The following PTPRD variants were observed in gnomAD, a reference collection of about 807,000 sequenced individuals.
PTPRD encodes the protein receptor-type tyrosine-protein phosphatase delta.
A neutral mutation model predicts 214.5 loss-of-function variants in PTPRD; 34 were observed. The observed-to-expected ratio is 0.16, with a 90% CI of 0.12 to 0.21. The LOEUF (loss-of-function observed/expected upper bound fraction) is 0.21, where lower values mean the gene tolerates loss of function less well. Among genes scored for constraint, PTPRD ranks in the 10% least tolerant of loss-of-function variants. The pLI is 1.00. For synonymous variants in PTPRD, 1,128 were observed against 845.7 expected (o/e 1.33, Z -5.79); for missense variants, 2,545 against 2,398.7 (o/e 1.06, Z -1.27).
At chr9:8,849,824 T>A (rs867634368) in intron 11 of PTPRD, among the ~76,000 whole-genome samples, 1 of 152,140 alleles carries the variant, frequency 6.6e-6, no homozygotes, top group East Asian at 1.9e-4. Context: ...GTGTTGAGTA[T>A]TGAGCACTTG....
chr9:8,612,051 G>A (rs1020633006), intron 14 of PTPRD, among the ~76,000 whole-genome samples: 4 of 151,800 alleles, frequency 2.6e-5, no homozygotes, highest in Non-Finnish European at 4.4e-5. Context: ...CCAGAAAGAC[G>A]ATGTTTCAAT....
intron 7 of PTPRD, among the ~76,000 whole-genome samples, chr9:9,576,593 C>G (rs1022261679): frequency 8.5e-5 from 13 of 152,092 alleles, no homozygotes; most frequent in Non-Finnish European, 1.6e-4. Context: ...TTCTTGCCCT[C>G]CCTTTTTATC....
At chr9:9,502,348 T>C (rs115185413) in intron 8 of PTPRD, among the ~76,000 whole-genome samples, 1,888 of 151,954 alleles carry the variant, frequency 0.012, 36 homozygotes, top group African/African-American at 0.043. Context: ...AGATTCTTCA[T>C]ATAAGTGGGA....
chr9:8,947,199 C>T (rs868788206), intron 11 of PTPRD, among the ~76,000 whole-genome samples: 1 of 151,508 alleles, frequency 6.6e-6, no homozygotes, highest in Non-Finnish European at 1.5e-5. Flanking sequence ...CGTGGTGGCT[C>T]ACGCCTGTAA....
chr9:8,691,557 T>G (rs1199868253), intron 12 of PTPRD, among the ~76,000 whole-genome samples: 1 of 152,154 alleles, frequency 6.6e-6, no homozygotes, highest in Non-Finnish European at 1.5e-5. Context: ...TCACAAGTCT[T>G]TTGAAACCTT....
intron 10 of PTPRD, among the ~76,000 whole-genome samples, chr9:9,135,260 C>G (rs1480530276): frequency 6.6e-6 from 1 of 152,198 alleles, no homozygotes; most frequent in African/African-American, 2.4e-5. Flanking sequence ...ATTCCTCTGG[C>G]ACCTAGTATG....
chr9:8,795,034 A>G (rs2096368384), intron 11 of PTPRD, among the ~76,000 whole-genome samples: 1 of 152,096 alleles, frequency 6.6e-6, no homozygotes, highest in African/African-American at 2.4e-5. Flanking sequence ...AATTCATAAC[A>G]TCTCTTAGCC....
At chr9:9,085,258 T>C (rs2099765336) in intron 10 of PTPRD, among the ~76,000 whole-genome samples, 1 of 152,208 alleles carries the variant, frequency 6.6e-6, no homozygotes, top group Non-Finnish European at 1.5e-5. Flanking sequence ...TTAATTATTT[T>C]ATAACTACCT....
chr9:9,071,919 C>G (rs1206967300), intron 10 of PTPRD, among the ~76,000 whole-genome samples: 1 of 152,090 alleles, frequency 6.6e-6, no homozygotes, highest in Non-Finnish European at 1.5e-5. Context: ...ATGCTTTTAA[C>G]CTGTTTGTGT....
At chr9:8,330,276 A>C (rs1838756236) in intron 44 of PTPRD, among the ~76,000 whole-genome samples, 1 of 152,196 alleles carries the variant, frequency 6.6e-6, no homozygotes, top group Admixed American at 6.5e-5. Flanking sequence ...TGTCAATCTC[A>C]CTGGGAACAG....
rs1310036490 is a variant in PTPRD, at chr9:8,500,998, T to C, written c.1884A>G (p.Val628=). The change falls in exon 24 of 46, where the codon GTA becomes GTG. Residue 628 remains valine (V), a synonymous_variant. Transcript: ENST00000381196. Reference sequence around the variant, plus strand: ...TTTCCACTGGTGGAGGTTGCCAACTTACCAAAATACTAGTGGAACTTGGGC... The same window carrying C: ...TTTCCACTGGTGGAGGTTGCCAACTCACCAAAATACTAGTGGAACTTGGGC... The part of the protein sequence containing the change: ...CTSPSSTSIL[V]SWQPPPVEKQ... 6.2e-7 allele frequency: 1 copy of C among 1,614,122 alleles called. No individual in the cohort carries two copies. Among genetic ancestry groups the C allele is most frequent in the Admixed American group, 1.7e-5 (1 of 60,010 alleles).
At chr9:9,975,549 T>C (rs2095321441) in intron 4 of PTPRD, among the ~76,000 whole-genome samples, 2 of 152,208 alleles carry the variant, frequency 1.3e-5, no homozygotes, top group Non-Finnish European at 2.9e-5. Flanking sequence ...CGTCTCAGAC[T>C]TTTCCAAAGA....
At chr9:10,402,798 T>A (rs2098292028) in intron 2 of PTPRD, among the ~76,000 whole-genome samples, 1 of 151,712 alleles carries the variant, frequency 6.6e-6, no homozygotes, top group Admixed American at 6.6e-5. Context: ...TCTCCAGTCA[T>A]CTAATGTGGG....
At chr9:9,406,005 G>A (rs915883814) in intron 8 of PTPRD, among the ~76,000 whole-genome samples, 2 of 151,854 alleles carry the variant, frequency 1.3e-5, no homozygotes, top group African/African-American at 4.8e-5. Flanking sequence ...TTTTCCCTGT[G>A]CATTAAAAAT....
chr9:9,267,948 T>C (rs1219064249), intron 9 of PTPRD, among the ~76,000 whole-genome samples: 1 of 151,208 alleles, frequency 6.6e-6, no homozygotes, highest in East Asian at 2.0e-4. Context: ...GTTAAAAGCT[T>C]TTCCTCTAAA....
chr9:9,641,909 G>C (rs1379152374), intron 7 of PTPRD, among the ~76,000 whole-genome samples: 1 of 152,052 alleles, frequency 6.6e-6, no homozygotes, highest in African/African-American at 2.4e-5. Flanking sequence ...TCAGGACTCA[G>C]ACCTTAGCTA....
intron 3 of PTPRD, among the ~76,000 whole-genome samples, chr9:10,090,608 A>G (rs2098417372): frequency 8.0e-6 from 1 of 125,676 alleles, no homozygotes; most frequent in South Asian, 2.4e-4. Context: ...CTTGCAGCCC[A>G]AAAGATTAAA....
intron 8 of PTPRD, among the ~76,000 whole-genome samples, chr9:9,405,698 A>T (rs1304732868): frequency 6.6e-6 from 1 of 152,034 alleles, no homozygotes; most frequent in East Asian, 1.9e-4. Flanking sequence ...AGAAGACATT[A>T]TTGTGGTTGG....
At chr9:8,336,338 A>C (rs10976970) in intron 43 of PTPRD, among the ~76,000 whole-genome samples, 1 of 148,458 alleles carries the variant, frequency 6.7e-6, no homozygotes, top group Admixed American at 6.6e-5. Context: ...CTGAGGGAAA[A>C]CAAGAATGGG....
Sources: allele counts gnomAD v4.1 joint callset (sites outside exome capture counted in the v4.1 genomes callset), GRCh38; gene constraint gnomAD v4.1.1; transcripts MANE v1.5; gene names NCBI Gene and HGNC (gene_info 2026-07-23, HGNC 2026-07-21).